The following PRCP variants were observed in gnomAD, a reference collection of about 807,000 sequenced individuals.
PRCP encodes lysosomal Pro-X carboxypeptidase.
PRCP carries 46 observed loss-of-function variants against 54.2 expected under a neutral mutation model. The observed-to-expected ratio is 0.85, with a 90% CI of 0.67 to 1.09. The LOEUF is 1.09. Among genes scored for constraint, PRCP ranks in the 50% least tolerant of loss-of-function variants. The probability of loss-of-function intolerance (pLI) is 0.00; values close to 1 mark genes in which losing one functional copy is unlikely to be tolerated. For synonymous variants in PRCP, 240 were observed against 212.2 expected, an observed-to-expected ratio of 1.13 and a Z score of -1.14; for missense variants, 613 against 596.8, an observed-to-expected ratio of 1.03 and a Z score of -0.28.
intron 8 of PRCP, chr11:82,836,910 G>T: frequency 2.6e-6 from 1 of 381,276 alleles, no homozygotes. Flanking sequence ...TAACCAACTT[G>T]TAATCAAAGG....
At chr11:82,877,423 C>A (rs1032722923) in intron 1 of PRCP, among the ~76,000 whole-genome samples, 1 of 152,208 alleles carries the variant, frequency 6.6e-6, no homozygotes, top group Non-Finnish European at 1.5e-5. Flanking sequence ...CACACGGCAG[C>A]CCCTCCTATC....
At chr11:82,856,002 G>T (rs1011715548) in intron 2 of PRCP, among the ~76,000 whole-genome samples, 1 of 152,018 alleles carries the variant, frequency 6.6e-6, no homozygotes, top group African/African-American at 2.4e-5. Flanking sequence ...CTCACTACTG[G>T]GTATATACCT....
At chr11:82,865,162 T>G (rs945870549) in intron 1 of PRCP, among the ~76,000 whole-genome samples, 4 of 152,198 alleles carry the variant, frequency 2.6e-5, no homozygotes, top group African/African-American at 9.7e-5. Context: ...GTAATGTAAC[T>G]AATAATTAGG....
chr11:82,855,464 A>G (rs1023150971), intron 2 of PRCP, among the ~76,000 whole-genome samples: 2 of 152,022 alleles, frequency 1.3e-5, no homozygotes, highest in African/African-American at 2.4e-5. Context: ...TAAAAATGCA[A>G]AAAACTTAGC....
At chr11:82,835,595 A>G in intron 8 of PRCP, 2 of 326,178 alleles carry the variant, frequency 6.1e-6, no homozygotes, top group Non-Finnish European at 1.2e-5. Context: ...AAGGGGATAC[A>G]CAAACAGAGA....
At chr11:82,897,191 C>T (rs981599559) in intron 1 of PRCP, among the ~76,000 whole-genome samples, 1 of 152,026 alleles carries the variant, frequency 6.6e-6, no homozygotes, top group African/African-American at 2.4e-5. Context: ...TCAGTTATTT[C>T]AGGTAAAAGA....
intron 6 of PRCP, 37 bp downstream of exon 6, chr11:82,849,012 G>A (rs753179037): frequency 3.8e-6 from 6 of 1,585,242 alleles, no homozygotes; most frequent in African/African-American, 1.4e-5. Flanking sequence ...AAAAAAGTGT[G>A]TTATTAAAAA....
chr11:82,894,236 C>T (rs1221300172), intron 1 of PRCP, among the ~76,000 whole-genome samples: 1 of 152,050 alleles, frequency 6.6e-6, no homozygotes, highest in African/African-American at 2.4e-5. Context: ...ATCATAAACA[C>T]AATGTTTTAT....
At chr11:82,831,097 T>C (rs1858371696) in intron 8 of PRCP, 1 of 148,190 alleles carries the variant, frequency 6.7e-6, no homozygotes, top group Non-Finnish European at 1.5e-5. Context: ...AGGATCTAGA[T>C]GCCTGGGTAA....
At chr11:82,879,145 T>C (rs984376649) in intron 1 of PRCP, among the ~76,000 whole-genome samples, 2 of 152,224 alleles carry the variant, frequency 1.3e-5, no homozygotes, top group African/African-American at 4.8e-5. Flanking sequence ...CTTGGTTCCA[T>C]TCTCCCCGTC....
At chr11:82,885,912 C>T (rs963523181) in intron 1 of PRCP, among the ~76,000 whole-genome samples, 3 of 152,212 alleles carry the variant, frequency 2.0e-5, no homozygotes, top group Admixed American at 2.0e-4. Context: ...GACTTCACTC[C>T]TGCCTCACCA....
intron 6 of PRCP, among the ~76,000 whole-genome samples, chr11:82,841,213 G>A (rs1858659215): frequency 6.7e-6 from 1 of 150,114 alleles, no homozygotes; most frequent in Non-Finnish European, 1.5e-5. Context: ...GAGAAAGGAT[G>A]CAACCAAACC....
intron 1 of PRCP, among the ~76,000 whole-genome samples, chr11:82,861,674 G>C (rs1819742968): frequency 6.6e-6 from 1 of 152,110 alleles, no homozygotes; most frequent in Admixed American, 6.5e-5. Flanking sequence ...AGGTAAAAGA[G>C]CAAGTTGAAG....
rs1330580986 is a variant in PRCP at position 82,824,445 on chromosome 11, C to T, written c.*461G>A. On this transcript the variant is annotated 3_prime_UTR_variant, in exon 9 of 9. Coordinates refer to ENST00000313010, the MANE Select transcript of PRCP (RefSeq NM_005040.4). ...GTACAAAAGAAATGGCTCTCACTTC[C>T]TGGATTGGCACCAGACATCCTACCA... 1.1e-5 allele frequency: 2 copies of T among 178,952 alleles called. No homozygotes were observed. Among genetic ancestry groups the T allele is most frequent in the Non-Finnish European group, 2.4e-5 (2 of 84,452 alleles). The allele number at this position is 178,952 out of a possible 1,614,324, so 11.1% of individuals were successfully genotyped here. A position where few individuals can be genotyped will look rare whatever the true frequency, so the allele number is the denominator to read the frequency against.
chr11:82,884,031 G>A (rs1049892272), intron 1 of PRCP, among the ~76,000 whole-genome samples: 2 of 152,182 alleles, frequency 1.3e-5, no homozygotes, highest in African/African-American at 2.4e-5. Context: ...CAGTGCTCAG[G>A]AAGAGGCAGA....
chr11:82,882,685 C>T (rs1452907708), intron 1 of PRCP, among the ~76,000 whole-genome samples: 3 of 148,722 alleles, frequency 2.0e-5, no homozygotes, highest in South Asian at 2.1e-4. Flanking sequence ...TTAGTAGAGA[C>T]GGGGTTTCAC....
chr11:82,898,070 A>G lies in PRCP; in HGVS notation c.168+2165T>C, dbSNP rs909030496. Among the ~76,000 whole-genome samples, 5 of 152,356 alleles carry G rather than the reference A, an allele frequency of 3.3e-5. No homozygotes were observed. The South Asian group carries it at 1.0e-3, about 32-fold the overall frequency. The stretch of plus-strand genomic sequence containing the variant: ...CACACATAGTCCTAACTAAAAATCA[A>G]TGGTTCAGAAATTGGCAACTAGTAT... On this transcript the variant is annotated intron_variant, in intron 1 of 8. Transcript: ENST00000313010.
At chr11:82,893,269 C>T (rs1415187860) in intron 1 of PRCP, among the ~76,000 whole-genome samples, 1 of 152,170 alleles carries the variant, frequency 6.6e-6, no homozygotes, top group Non-Finnish European at 1.5e-5. Flanking sequence ...GCCCCCTGCT[C>T]ATTCAATTGG....
intron 6 of PRCP, chr11:82,843,369 T>C (rs1858722646): frequency 6.6e-6 from 1 of 151,362 alleles, no homozygotes; most frequent in South Asian, 2.1e-4. Flanking sequence ...ATCAAATAAC[T>C]GTAGGATGCA....
Sources: gnomAD v4.1 joint callset for allele counts (sites outside exome capture counted in the v4.1 genomes callset) on GRCh38, gnomAD v4.1.1 for gene constraint, MANE v1.5 for transcripts, NCBI Gene and HGNC (gene_info 2026-07-23, HGNC 2026-07-21) for gene names.